USP24: variants seen among roughly 807,000 people sequenced by gnomAD.
The protein encoded by USP24 is ubiquitin specific peptidase 24, also known as ubiquitin carboxyl-terminal hydrolase 24.
Under a neutral mutation model 361.6 loss-of-function variants are expected in USP24, and 97 were observed. The observed-to-expected ratio is 0.27, with a 90% CI of 0.23 to 0.32. The LOEUF (loss-of-function observed/expected upper bound fraction) is 0.32. USP24 is among the 10% of genes least tolerant of loss of function. USP24 has a pLI of 1.00. For missense variants in USP24, 2,353 were observed against 3,165.6 expected (o/e 0.74, Z 6.16); for synonymous variants, 1,098 against 1,124.6 (o/e 0.98, Z 0.47).
intron 59 of USP24, 30 bp from the exon 60 acceptor site, chr1:55,079,689 C>T: frequency 1.3e-6 from 2 of 1,511,216 alleles, no homozygotes; most frequent in Non-Finnish European, 8.8e-7. Context: ...CAAAACAGAA[C>T]CTGTCTCACC....
At chr1:55,072,017 G>C in intron 66 of USP24, 93 bp from the exon 67 acceptor site, 1 of 1,144,354 alleles carries the variant, frequency 8.7e-7, no homozygotes, top group Non-Finnish European at 1.3e-6. Context: ...CTGACCTTCA[G>C]TGGGACCGGA....
intron 12 of USP24, among the ~76,000 whole-genome samples, chr1:55,156,593 C>T (rs1367471642): frequency 6.6e-6 from 1 of 151,714 alleles, no homozygotes; most frequent in East Asian, 1.9e-4. Context: ...TTAATAGGGA[C>T]TAAATGGGAA....
intron 24 of USP24, 130 bp from the exon 25 acceptor site, chr1:55,139,140 T>C (rs1646818911): frequency 1.3e-6 from 1 of 787,266 alleles, no homozygotes; most frequent in Non-Finnish European, 2.0e-6. Flanking sequence ...TTTGCAAAGA[T>C]TAAACTTCCC....
chr1:55,102,250 A>T lies in USP24; in HGVS notation c.5026-547T>A, dbSNP rs188423368. The stretch of plus-strand genomic sequence containing the variant: ...ATTGTAATTCCTTTTAGAGAAGGTA[A>T]CATTCTTCTATTAAACTTCTTCCAG... On this transcript the variant is annotated intron_variant, in intron 42 of 67. Coordinates refer to ENST00000294383, the MANE Select transcript of USP24 (RefSeq NM_015306.3). Among the ~76,000 whole-genome samples the T allele has an allele frequency of 9.2e-5, 14 of 152,326 alleles. No individual in the cohort carries two copies. In the East Asian group the frequency reaches 2.3e-3, roughly 25 times the overall value.
intron 5 of USP24, among the ~76,000 whole-genome samples, chr1:55,167,412 G>T (rs1648994430): frequency 6.6e-6 from 1 of 152,166 alleles, no homozygotes; most frequent in Non-Finnish European, 1.5e-5. Context: ...TCCCAGCTGG[G>T]ACACGGTGAG....
At chr1:55,199,587 AAGTG>A (rs1323708454) in intron 1 of USP24, among the ~76,000 whole-genome samples, 61 of 68,854 alleles carry the variant, frequency 8.9e-4, no homozygotes, top group Admixed American at 8.7e-3. Flanking sequence ...GGTTCAGAAA[AAGTG>A]TGTGTGTGTG....
intron 6 of USP24, 101 bp downstream of exon 6, chr1:55,166,467 T>C: frequency 9.2e-7 from 1 of 1,089,492 alleles, no homozygotes; most frequent in East Asian, 2.6e-5. Flanking sequence ...TTTTTTTTAT[T>C]ATTCTCTGCA....
chr1:55,122,171 G>A (rs958495974), intron 36 of USP24, among the ~76,000 whole-genome samples: 2 of 152,118 alleles, frequency 1.3e-5, no homozygotes, highest in Non-Finnish European at 2.9e-5. Flanking sequence ...AATGATAAAT[G>A]TTACAGGAAA....
intron 12 of USP24, 34 bp downstream of exon 12, chr1:55,156,914 T>C: frequency 3.3e-6 from 5 of 1,529,630 alleles, no homozygotes; most frequent in Non-Finnish European, 3.6e-6. Flanking sequence ...CCAAAAACAT[T>C]AGCCAAAGGC....
intron 1 of USP24, among the ~76,000 whole-genome samples, chr1:55,196,387 T>C (rs938689428): frequency 1.3e-5 from 2 of 152,200 alleles, no homozygotes; most frequent in African/African-American, 4.8e-5. Context: ...TAGACATCTT[T>C]TTCTTAACCA....
chr1:55,140,285 A>G (rs914428590), intron 24 of USP24, among the ~76,000 whole-genome samples: 2 of 152,142 alleles, frequency 1.3e-5, no homozygotes, highest in Non-Finnish European at 2.9e-5. Context: ...CCAATAGCAC[A>G]TAAATATACT....
chr1:55,130,836 A>G (rs575331971), intron 31 of USP24, among the ~76,000 whole-genome samples: 14 of 152,358 alleles, frequency 9.2e-5, no homozygotes, highest in Admixed American at 2.0e-4. Flanking sequence ...AACAAATTGC[A>G]AAGAAATTAA....
In USP24 at chr1:55,121,524, G is replaced by A. The variant is rs115057155; in HGVS notation, c.4277-18C>T. Reference sequence around the variant, plus strand: ...GAAAGATGCTAATAAGAAGAAATGGGGGATGTGGGTGTGTGAAACAAGTTA... The same window carrying A: ...GAAAGATGCTAATAAGAAGAAATGGAGGATGTGGGTGTGTGAAACAAGTTA... On this transcript the variant is annotated intron_variant, in intron 36 of 67. Coordinates refer to ENST00000294383, the MANE Select transcript of USP24 (RefSeq NM_015306.3). 135 of 1,607,182 alleles carry A rather than the reference G, an allele frequency of 8.4e-5. 1 individual carries two copies. The African/African-American group carries it at 1.5e-3, about 18-fold the overall frequency.
chr1:55,101,069 T>G (rs1645622265), intron 43 of USP24, 105 bp from the exon 44 acceptor site: 1 of 1,341,874 alleles, frequency 7.5e-7, no homozygotes, highest in African/African-American at 1.5e-5. Flanking sequence ...TAGAATGTTA[T>G]GTATGTTTGG....
chr1:55,171,687 A>C lies in USP24; in HGVS notation c.703-9T>G. 2 of 1,598,756 alleles carry C rather than the reference A, an allele frequency of 1.3e-6. No individual in the cohort carries two copies. Among genetic ancestry groups the C allele is most frequent in the Non-Finnish European group, 1.7e-6 (2 of 1,170,696 alleles). ...TTATCAGGATTGAAAGCCTAGATTCAAAGAGAACAGAGAAACATTATTATC... is the reference window on the plus strand; with the variant it reads ...TTATCAGGATTGAAAGCCTAGATTCCAAGAGAACAGAGAAACATTATTATC... On this transcript the variant is annotated splice_polypyrimidine_tract_variant and intron_variant, in intron 4 of 67. Coordinates refer to ENST00000294383, the MANE Select transcript of USP24 (RefSeq NM_015306.3).
chr1:55,098,734 C>G (rs138113078), intron 45 of USP24, among the ~76,000 whole-genome samples, 176 bp from the exon 46 acceptor site: 1 of 152,042 alleles, frequency 6.6e-6, no homozygotes, highest in Admixed American at 6.6e-5. Flanking sequence ...GTGATGCAGA[C>G]GATCAGAAGA....
chr1:55,128,190 T>C (rs1326215609), intron 32 of USP24, among the ~76,000 whole-genome samples: 1 of 152,214 alleles, frequency 6.6e-6, no homozygotes, highest in Non-Finnish European at 1.5e-5. Flanking sequence ...ATTTTATAAA[T>C]GTCCCCACCC....
chr1:55,081,569 C>T (rs563203178), intron 58 of USP24, 145 bp from the exon 59 acceptor site: 2 of 778,730 alleles, frequency 2.6e-6, no homozygotes, highest in South Asian at 1.7e-5. Context: ...ACAAAAAAAT[C>T]ACAGGTTTTA....
chr1:55,077,391 C>T (rs1417852652), intron 61 of USP24, 91 bp from the exon 62 acceptor site: 3 of 1,183,868 alleles, frequency 2.5e-6, no homozygotes, highest in African/African-American at 3.1e-5. Context: ...AGCTCTATCA[C>T]CTTCTGGCCG....
Sources: allele counts gnomAD v4.1 joint callset (sites outside exome capture counted in the v4.1 genomes callset), GRCh38; gene constraint gnomAD v4.1.1; transcripts MANE v1.5; gene names NCBI Gene and HGNC (gene_info 2026-07-23, HGNC 2026-07-21).